Variants in THEMIS observed in about 807,000 individuals in gnomAD.
THEMIS encodes thymocyte selection associated, also known as protein THEMIS.
Under a neutral mutation model 52.6 loss-of-function variants are expected in THEMIS, and 37 were observed. That is an observed-to-expected ratio of 0.70 (90% CI 0.54 to 0.93). THEMIS has a LOEUF of 0.93. Among genes scored for constraint, THEMIS ranks in the 40% least tolerant of loss-of-function variants. The probability of loss-of-function intolerance (pLI) is 0.00; values close to 1 mark genes in which losing one functional copy is unlikely to be tolerated. For synonymous variants in THEMIS, 292 were observed against 272.7 expected, an observed-to-expected ratio of 1.07 and a Z score of -0.70; for missense variants, 808 against 763.1, an observed-to-expected ratio of 1.06 and a Z score of -0.69.
chr6:127,711,100 T>C (rs1465099314), intron 5 of THEMIS, among the ~76,000 whole-genome samples: 6 of 151,720 alleles, frequency 4.0e-5, no homozygotes, highest in Non-Finnish European at 8.8e-5. Flanking sequence ...TCTTTTCTTC[T>C]TTGAATTATT....
At chr6:127,852,638 T>C (rs1779469111) in intron 2 of THEMIS, among the ~76,000 whole-genome samples, 1 of 151,534 alleles carries the variant, frequency 6.6e-6, no homozygotes, top group African/African-American at 2.4e-5. Context: ...AAGTCAAAAA[T>C]CTAATTGGGA....
intron 1 of THEMIS, among the ~76,000 whole-genome samples, chr6:127,862,959 A>G (rs1779857241): frequency 6.6e-6 from 1 of 152,130 alleles, no homozygotes; most frequent in African/African-American, 2.4e-5. Flanking sequence ...GTCCAGCACT[A>G]TGACTTATCT....
intron 4 of THEMIS, among the ~76,000 whole-genome samples, chr6:127,725,208 C>T (rs1301097708): frequency 1.3e-5 from 2 of 152,120 alleles, no homozygotes; most frequent in Non-Finnish European, 1.5e-5. Flanking sequence ...TCAGAAAGTA[C>T]ACTTAAGTGA....
chr6:127,882,479 T>C (rs1017547835), intron 1 of THEMIS, among the ~76,000 whole-genome samples: 1 of 151,874 alleles, frequency 6.6e-6, no homozygotes, highest in Non-Finnish European at 1.5e-5. Context: ...AGTTTACAGT[T>C]TCCAACATGT....
At chr6:127,797,458 A>G (rs1469456188) in intron 4 of THEMIS, among the ~76,000 whole-genome samples, 1 of 152,164 alleles carries the variant, frequency 6.6e-6, no homozygotes, top group Non-Finnish European at 1.5e-5. Context: ...CCACACCTTC[A>G]TTCTGCTATT....
chr6:127,879,717 G>GA (rs532969369), intron 1 of THEMIS, among the ~76,000 whole-genome samples: 164 of 151,266 alleles, frequency 1.1e-3, no homozygotes, highest in Non-Finnish European at 1.8e-3. Flanking sequence ...GAAAAAGAAA[G>GA]AAAAAAAACG....
chr6:127,873,276 G>A (rs1457323010), intron 1 of THEMIS, among the ~76,000 whole-genome samples: 1 of 152,082 alleles, frequency 6.6e-6, no homozygotes, highest in Non-Finnish European at 1.5e-5. Context: ...TTTTTTGTAG[G>A]TATAGATGAG....
chr6:127,746,399 C>A (rs1775390780), intron 4 of THEMIS, among the ~76,000 whole-genome samples: 1 of 151,486 alleles, frequency 6.6e-6, no homozygotes, highest in Non-Finnish European at 1.5e-5. Flanking sequence ...CTGCTCTTTA[C>A]TATATTCCTA....
intron 4 of THEMIS, among the ~76,000 whole-genome samples, chr6:127,745,764 G>A (rs902707777): frequency 1.3e-5 from 2 of 151,804 alleles, no homozygotes; most frequent in African/African-American, 4.8e-5. Flanking sequence ...GTGGAACACA[G>A]ATAATTAGCT....
At chr6:127,828,532 C>T (rs113889615) in intron 3 of THEMIS, among the ~76,000 whole-genome samples, 2,517 of 152,306 alleles carry the variant, frequency 0.017, 39 homozygotes, top group Non-Finnish European at 0.025. Flanking sequence ...AAGTTCAGAA[C>T]TCTTTACTAT....
intron 3 of THEMIS, among the ~76,000 whole-genome samples, chr6:127,820,425 G>T (rs184975797): frequency 1.1e-4 from 17 of 152,156 alleles, no homozygotes; most frequent in Non-Finnish European, 2.2e-4. Flanking sequence ...TAATTAAAAA[G>T]AAATCCAGCA....
intron 4 of THEMIS, among the ~76,000 whole-genome samples, chr6:127,774,040 A>G (rs2114451246): frequency 6.6e-6 from 1 of 152,202 alleles, no homozygotes; most frequent in East Asian, 1.9e-4. Flanking sequence ...CACGCCTGGC[A>G]CTTTGGTGAA....
intron 4 of THEMIS, among the ~76,000 whole-genome samples, chr6:127,741,435 C>A (rs1775199104): frequency 6.6e-6 from 1 of 152,034 alleles, no homozygotes; most frequent in Non-Finnish European, 1.5e-5. Flanking sequence ...GAAAAAATTG[C>A]TAGATATATT....
At position 127,863,531 on chromosome 6, in the gene THEMIS, C is replaced by T. The variant is rs536641262; in HGVS notation, c.92-8343G>A. Among the ~76,000 whole-genome samples the T allele has an allele frequency of 5.3e-5, 8 of 152,288 alleles. No individual in the cohort carries two copies. The South Asian group carries it at 8.3e-4, about 16-fold the overall frequency. Reference sequence around the variant, plus strand: ...GAAAACAATTATTTTAACTCTTCTACGTAGAAGCCTTAACATGTTTGAAGA... The same window carrying T: ...GAAAACAATTATTTTAACTCTTCTATGTAGAAGCCTTAACATGTTTGAAGA... On this transcript the variant is annotated intron_variant, in intron 1 of 5. Coordinates refer to ENST00000368248, the MANE Select transcript of THEMIS (RefSeq NM_001010923.3).
chr6:127,757,400 T>C (rs1402663428), intron 4 of THEMIS, among the ~76,000 whole-genome samples: 1 of 152,154 alleles, frequency 6.6e-6, no homozygotes, highest in Non-Finnish European at 1.5e-5. Context: ...CGTGCATACA[T>C]AAATGGCAGA....
intron 1 of THEMIS, among the ~76,000 whole-genome samples, chr6:127,861,279 T>C (rs941316438): frequency 6.6e-6 from 1 of 152,170 alleles, no homozygotes; most frequent in Non-Finnish European, 1.5e-5. Flanking sequence ...TAGACATCTA[T>C]AGCCATTTAA....
At chr6:127,787,475 C>G (rs1776991141) in intron 4 of THEMIS, among the ~76,000 whole-genome samples, 2 of 152,154 alleles carry the variant, frequency 1.3e-5, no homozygotes, top group African/African-American at 4.8e-5. Context: ...ATCACCTTAT[C>G]TTGATATGTT....
At chr6:127,765,867 T>G (rs1191499896) in intron 4 of THEMIS, among the ~76,000 whole-genome samples, 1 of 152,102 alleles carries the variant, frequency 6.6e-6, no homozygotes, top group African/African-American at 2.4e-5. Flanking sequence ...AATTGCCTAA[T>G]GATGCATTTC....
chr6:127,761,648 A>T (rs1045171209), intron 4 of THEMIS, among the ~76,000 whole-genome samples: 4 of 152,170 alleles, frequency 2.6e-5, no homozygotes, highest in African/African-American at 9.6e-5. Context: ...AAGGACCTAT[A>T]AAACTAATGC....
Sources: allele counts gnomAD v4.1 joint callset (sites outside exome capture counted in the v4.1 genomes callset), GRCh38; gene constraint gnomAD v4.1.1; transcripts MANE v1.5; gene names NCBI Gene and HGNC (gene_info 2026-07-23, HGNC 2026-07-21).